The following TLE2 variants were observed in gnomAD, a reference collection of about 807,000 sequenced individuals.
TLE2 encodes transducin-like enhancer protein 2.
TLE2 carries 74 observed loss-of-function variants against 97.2 expected under a neutral mutation model. The ratio of observed to expected loss-of-function variants is 0.76; its 90% CI spans 0.63 to 0.92. The LOEUF is 0.92. Among genes scored for constraint, TLE2 ranks in the 40% least tolerant of loss-of-function variants. The pLI is 0.00. For synonymous variants in TLE2, 499 were observed against 432.1 expected (o/e 1.15, Z -1.92); for missense variants, 1,038 against 1,008.7 (o/e 1.03, Z -0.39).
At chr19:3,024,952 C>T in intron 5 of TLE2, 68 bp downstream of exon 5, 1 of 1,424,996 alleles carries the variant, frequency 7.0e-7, no homozygotes, top group East Asian at 2.5e-5. Flanking sequence ...CGTCCTCGCC[C>T]AGACCTACCC....
At chr19:3,028,242 G>T in intron 3 of TLE2, 77 bp downstream of exon 3, 1 of 1,451,956 alleles carries the variant, frequency 6.9e-7, no homozygotes, top group Non-Finnish European at 9.5e-7. Flanking sequence ...AGTGGGGCAG[G>T]GACCTACCCC....
chr19:3,028,206 G>T, intron 3 of TLE2, 113 bp downstream of exon 3: 1 of 1,151,350 alleles, frequency 8.7e-7, no homozygotes, highest in Non-Finnish European at 1.3e-6. Context: ...CCTGCCCAAT[G>T]TACAGACGGG....
At chr19:3,011,414 C>T (rs12980624) in intron 11 of TLE2, among the ~76,000 whole-genome samples, 32,197 of 151,500 alleles carry the variant, frequency 0.21, 3,638 homozygotes, top group Admixed American at 0.25. Flanking sequence ...TGCCTGTGAT[C>T]CCAGCTACTT....
chr19:3,027,965 G>C (rs1249003810), intron 3 of TLE2, 92 bp from the exon 4 acceptor site: 4 of 1,288,818 alleles, frequency 3.1e-6, no homozygotes, highest in Non-Finnish European at 4.4e-6. Flanking sequence ...GAGTCCCCAG[G>C]TTCAGGGGAA....
intron 5 of TLE2, among the ~76,000 whole-genome samples, chr19:3,023,983 A>G (rs1171727351): frequency 6.7e-6 from 1 of 148,448 alleles, no homozygotes; most frequent in African/African-American, 2.5e-5. Context: ...GGGCACTCTC[A>G]GAAGAGCTAA....
intron 1 of TLE2, among the ~76,000 whole-genome samples, chr19:3,034,281 C>T (rs1056364402): frequency 2.6e-5 from 4 of 151,884 alleles, no homozygotes; most frequent in African/African-American, 7.3e-5. Context: ...GCCACCTCCT[C>T]CCTCTGAGCA....
At position 3,019,656 on chromosome 19, in the gene TLE2, G is replaced by A. The variant is rs756390294; in HGVS notation, c.369+43C>T. Reference sequence around the variant, plus strand: ...CTGGGTGGGTGCCAGGGACCTGGGAGTGGGCGTCTCCCCATGGCGGGGCAG... The same window carrying A: ...CTGGGTGGGTGCCAGGGACCTGGGAATGGGCGTCTCCCCATGGCGGGGCAG... On this transcript the variant is annotated intron_variant, in intron 6 of 19. Coordinates refer to ENST00000262953, the MANE Select transcript of TLE2 (RefSeq NM_003260.5). The surrounding 1 kb of genome is among the most constrained non-coding windows in gnomAD (Gnocchi z 5.1). 56 of 1,591,004 alleles carry A rather than the reference G, an allele frequency of 3.5e-5. No individual in the cohort carries two copies. The highest frequency in any genetic ancestry group is 4.8e-5 in the Non-Finnish European group (56 of 1,168,866).
intron 11 of TLE2, among the ~76,000 whole-genome samples, chr19:3,013,242 A>G (rs1470577512): frequency 6.6e-6 from 1 of 151,990 alleles, no homozygotes; most frequent in Non-Finnish European, 1.5e-5. Flanking sequence ...ACTTGTTCCT[A>G]TATTAATTAT....
chr19:3,017,268 G>T (rs575789159), intron 8 of TLE2, among the ~76,000 whole-genome samples: 1 of 151,908 alleles, frequency 6.6e-6, no homozygotes, highest in South Asian at 2.1e-4. Flanking sequence ...CTCCCGAGTA[G>T]CTGGGATTAC....
intron 1 of TLE2, among the ~76,000 whole-genome samples, chr19:3,038,313 G>A (rs568739335): frequency 2.0e-5 from 3 of 152,156 alleles, no homozygotes; most frequent in East Asian, 1.9e-4. Flanking sequence ...GGCTCAAGCC[G>A]TCTTCCTGCC....
chr19:3,018,860 C>A (rs572178615), intron 7 of TLE2, among the ~76,000 whole-genome samples: 1 of 150,980 alleles, frequency 6.6e-6, no homozygotes, highest in East Asian at 2.0e-4. Context: ...TCAGGTGATC[C>A]AGCCACCTCG....
At chr19:3,012,753 A>G (rs1268137688) in intron 11 of TLE2, among the ~76,000 whole-genome samples, 1 of 152,062 alleles carries the variant, frequency 6.6e-6, no homozygotes, top group Non-Finnish European at 1.5e-5. Context: ...TCTCGGCTTC[A>G]TGTCATCGCC....
At chr19:3,020,677 C>A (rs1393619811) in intron 5 of TLE2, 2 of 152,208 alleles carry the variant, frequency 1.3e-5, no homozygotes, top group African/African-American at 4.8e-5. Flanking sequence ...GGCTCATTCT[C>A]TGAGTTCTCT....
Position 3,005,838 on chromosome 19 carries a change from G to A in TLE2, c.1631C>T (p.Thr544Ile). 1.2e-6 allele frequency: 2 copies of A among 1,614,008 alleles called. No homozygotes were observed. Among genetic ancestry groups the A allele is most frequent in the African/African-American group, 1.3e-5 (1 of 75,060 alleles). ...APTPRIKAELTSSAPACYALA... is the reference protein window; with the variant it reads ...APTPRIKAELISSAPACYALA... ...GGCGTAGCAGGCTGGGGCTGAGGAA[G>A]TCAGCTCGGCCTTGATACGGGGGGT... Residue 544 changes from threonine to isoleucine, a missense_variant, in exon 16 of 20, where the codon ACT (threonine) becomes ATT (isoleucine). Thr to Ile is a moderately conservative substitution (Grantham distance 89). Coordinates refer to ENST00000262953, the MANE Select transcript of TLE2 (RefSeq NM_003260.5).
chr19:3,046,430 C>T (rs1290148221), upstream of TLE2, among the ~76,000 whole-genome samples: 1 of 152,198 alleles, frequency 6.6e-6, no homozygotes. Flanking sequence ...CCCTCCCCGC[C>T]CCCAACCGGG....
chr19:3,046,802 T>TA (rs994587443), upstream of TLE2, among the ~76,000 whole-genome samples: 81 of 151,756 alleles, frequency 5.3e-4, no homozygotes, highest in Non-Finnish European at 9.6e-4. Context: ...AACAGGGTGT[T>TA]AGAGCGGGAG....
chr19:3,010,839 G>A (rs1002299514), intron 12 of TLE2, among the ~76,000 whole-genome samples, 183 bp downstream of exon 12: 15 of 152,114 alleles, frequency 9.9e-5, no homozygotes, highest in Non-Finnish European at 1.3e-4. Context: ...TTCCCTACCC[G>A]CCGAGCTGAC....
Position 3,008,890 on chromosome 19 carries a change from GGTA to G in TLE2, c.1226_1228del (p.Leu409del), listed in dbSNP as rs1348262889. On this transcript the variant is annotated inframe_deletion, in exon 14 of 20. Transcript: ENST00000262953. The stretch of plus-strand genomic sequence containing the variant: ...TCACGGCTTTCCCCCAGGGATGCTG[GGTA>G]GGGAGGAAGAGACGGATGACCCTCG... 3 of 1,592,524 alleles carry G rather than the reference GGTA, an allele frequency of 1.9e-6. No homozygotes were observed. The African/African-American group carries it at 4.0e-5, about 21-fold the overall frequency.
intron 17 of TLE2, among the ~76,000 whole-genome samples, chr19:3,004,296 G>C (rs1309059373): frequency 1.3e-5 from 2 of 152,128 alleles, no homozygotes; most frequent in Non-Finnish European, 2.9e-5. Context: ...CCACGGGATG[G>C]AGAGCTGTGT....
Sources: allele counts gnomAD v4.1 joint callset (sites outside exome capture counted in the v4.1 genomes callset), GRCh38; gene constraint gnomAD v4.1.1; non-coding constraint Gnocchi (gnomAD v3.1); transcripts MANE v1.5; gene names NCBI Gene and HGNC (gene_info 2026-07-23, HGNC 2026-07-21).